KLHL42: variants seen among roughly 807,000 people sequenced by gnomAD.
KLHL42 encodes kelch-like protein 42.
In KLHL42, 27 loss-of-function variants were observed where a neutral mutation model predicts 32.7. That is an observed-to-expected ratio of 0.83 (90% CI 0.61 to 1.14). KLHL42 has a LOEUF of 1.14. KLHL42 is among the 50% of genes most tolerant of loss of function. The pLI is 0.00. For synonymous variants in KLHL42, 267 were observed against 248.2 expected (o/e 1.08, Z -0.71); for missense variants, 491 against 560.8 (o/e 0.88, Z 1.26).
At chr12:27,786,987 A>G (rs2062175113) in intron 1 of KLHL42, among the ~76,000 whole-genome samples, 1 of 151,806 alleles carries the variant, frequency 6.6e-6, no homozygotes, top group Admixed American at 6.6e-5. Context: ...GGCCTCCCAA[A>G]GTGCTGGGAT....
rs577953697 is a variant in KLHL42 at position 27,790,356 on chromosome 12, T to C, written c.873-1352T>C. On this transcript the variant is annotated intron_variant, in intron 1 of 2. Transcript: ENST00000381271. ...GTGAGGTGGTTGGACCAGGGTCAGA[T>C]AGCTGGTTATCAGCAGAGCTGGGAC... Among the ~76,000 whole-genome samples, 7 of 152,352 alleles carry C rather than the reference T, an allele frequency of 4.6e-5. No individual in the cohort carries two copies. In the South Asian group the frequency reaches 1.4e-3, roughly 32 times the overall value.
chr12:27,799,625 C>CAG lies in KLHL42; in HGVS notation c.*1461_*1462dup, dbSNP rs1238136300. ...TGCCTGGAGTATGCCGTCCACTGTG[C>CAG]AGATGTAGGACAGGGGCTAATCACT... On this transcript the variant is annotated 3_prime_UTR_variant, in exon 3 of 3. Transcript: ENST00000381271. The CAG allele has an allele frequency of 6.6e-6, 1 of 152,470 alleles. No homozygotes were observed. The highest frequency in any genetic ancestry group is 1.9e-4 in the East Asian group (1 of 5,200). The allele number at this position is 152,470 out of a possible 1,614,324, so 9.4% of individuals were successfully genotyped here.
rs942721392 is a variant in KLHL42 at position 27,801,413 on chromosome 12, G to A, written c.*3247G>A. ...GGTGAAGTTCTGACCCTACCTGTTTGGCCAAAGACGTAAATTGAGAGGAAA... is the reference window on the plus strand; with the variant it reads ...GGTGAAGTTCTGACCCTACCTGTTTAGCCAAAGACGTAAATTGAGAGGAAA... On this transcript the variant is annotated 3_prime_UTR_variant, in exon 3 of 3. Transcript: ENST00000381271. 2.6e-5 allele frequency: 4 copies of A among 152,152 alleles called. No individual in the cohort carries two copies. The highest frequency in any genetic ancestry group is 7.2e-5 in the African/African-American group (3 of 41,434). The allele number at this position is 152,152 out of a possible 1,614,324, so 9.4% of individuals were successfully genotyped here. A position where few individuals can be genotyped will look rare whatever the true frequency, so the allele number is the denominator to read the frequency against.
In KLHL42 at chr12:27,780,734, G is replaced by T; in HGVS notation, c.404G>T (p.Arg135Leu). Residue 135 changes from arginine (R) to leucine (L), a missense_variant, in exon 1 of 3, where the codon CGC becomes CTC. Around this residue, in one of 4 missense-constraint regions of KLHL42, gnomAD observed 248 missense variants for 329.2 expected, o/e 0.75. Coordinates refer to ENST00000381271, the MANE Select transcript of KLHL42 (RefSeq NM_020782.2). The surrounding 1 kb of genome is among the most constrained non-coding windows in gnomAD (Gnocchi z 8.8). The part of the protein sequence containing the change: ...VRLNNCLEMY[R>L]LAQVYGLPDL... ...CTCAATAACTGCCTGGAGATGTACC[G>T]CCTGGCGCAGGTGTACGGGCTGCCC... The T allele has an allele frequency of 6.2e-7, 1 of 1,613,264 alleles. No homozygotes were observed. The highest frequency in any genetic ancestry group is 8.5e-7 in the Non-Finnish European group (1 of 1,179,984).
intron 1 of KLHL42, among the ~76,000 whole-genome samples, chr12:27,781,596 C>G (rs893599138): frequency 1.3e-5 from 2 of 152,178 alleles, no homozygotes; most frequent in Non-Finnish European, 2.9e-5. Context: ...GGACAGTAAC[C>G]TGTAACACTG....
chr12:27,783,826 C>T (rs891540006), intron 1 of KLHL42, among the ~76,000 whole-genome samples: 3 of 152,104 alleles, frequency 2.0e-5, no homozygotes, highest in African/African-American at 2.4e-5. Flanking sequence ...CCTCGTGATC[C>T]GCCCGCCTCA....
chr12:27,790,666 GTTA>G (rs1456338657), intron 1 of KLHL42, among the ~76,000 whole-genome samples: 5 of 152,172 alleles, frequency 3.3e-5, no homozygotes, highest in East Asian at 1.9e-4. Context: ...TCTTTTTCAA[GTTA>G]TTATTTTTAT....
intron 1 of KLHL42, among the ~76,000 whole-genome samples, chr12:27,787,039 A>C (rs2062175437): frequency 6.6e-6 from 1 of 151,940 alleles, no homozygotes; most frequent in African/African-American, 2.4e-5. Context: ...GAGAGATTTT[A>C]TAAAGCCTTC....
Position 27,792,509 on chromosome 12 carries a change from CTATTTATTTGTT to C in KLHL42, c.1066+618_1066+629del, listed in dbSNP as rs1252068226. On this transcript the variant is annotated intron_variant, in intron 2 of 2. Coordinates refer to ENST00000381271, the MANE Select transcript of KLHL42 (RefSeq NM_020782.2). Reference sequence around the variant, plus strand: ...CAGCAGTGGGAGGTGGTTGTACTATCTATTTATTTGTTTATTTATTTATTTATTTTTTGAGAT... The same window carrying C: ...CAGCAGTGGGAGGTGGTTGTACTATCTATTTATTTATTTATTTTTTGAGAT... Among the ~76,000 whole-genome samples, 3 of 152,092 alleles carry C rather than the reference CTATTTATTTGTT, an allele frequency of 2.0e-5. No individual in the cohort carries two copies. The East Asian group carries it at 5.8e-4, about 29-fold the overall frequency.
chr12:27,799,131 A>G lies in KLHL42; in HGVS notation c.*965A>G, dbSNP rs1027347102. On this transcript the variant is annotated 3_prime_UTR_variant, in exon 3 of 3. Transcript: ENST00000381271. ...GTCGGCAGCTTTCTAATTTAATCTT[A>G]GCTTTGTAATTCATGTTTTGCTTTT... is the stretch of plus-strand genomic sequence containing the variant. The G allele has an allele frequency of 6.6e-6, 1 of 152,574 alleles. No individual in the cohort carries two copies. The highest frequency in any genetic ancestry group is 1.5e-5 in the Non-Finnish European group (1 of 68,034). 9.5% of individuals were successfully genotyped at this position (152,574 alleles called of 1,614,324 possible).
At chr12:27,789,540 G>C (rs2062187390) in intron 1 of KLHL42, among the ~76,000 whole-genome samples, 1 of 152,176 alleles carries the variant, frequency 6.6e-6, no homozygotes, top group South Asian at 2.1e-4. Flanking sequence ...TTACATGTTT[G>C]CTTAGGACAA....
chr12:27,781,809 A>G (rs1001776438), intron 1 of KLHL42, among the ~76,000 whole-genome samples: 1 of 152,190 alleles, frequency 6.6e-6, no homozygotes, highest in Non-Finnish European at 1.5e-5. Context: ...GGAAGTGTTC[A>G]ACTACAGAAT....
At chr12:27,796,363 A>G (rs2062218605) in intron 2 of KLHL42, among the ~76,000 whole-genome samples, 1 of 152,216 alleles carries the variant, frequency 6.6e-6, no homozygotes, top group Admixed American at 6.5e-5. Context: ...GCAGCCGTCA[A>G]AATGCTGTAG....
At position 27,798,800 on chromosome 12, in the gene KLHL42, C is replaced by T. The variant is rs1419510414; in HGVS notation, c.*634C>T. On this transcript the variant is annotated 3_prime_UTR_variant, in exon 3 of 3. Coordinates refer to ENST00000381271, the MANE Select transcript of KLHL42 (RefSeq NM_020782.2). The stretch of plus-strand genomic sequence containing the variant: ...ATAAAAATATTCTTAGCTATTTTTC[C>T]AGCCTTTTTTGCAGTTACAAATGCT... 3.3e-5 allele frequency: 5 copies of T among 152,294 alleles called. No individual in the cohort carries two copies. The highest frequency in any genetic ancestry group is 1.2e-4 in the African/African-American group (5 of 41,330). The allele number at this position is 152,294 out of a possible 1,614,324, so 9.4% of individuals were successfully genotyped here. A position where few individuals can be genotyped will look rare whatever the true frequency, so the allele number is the denominator to read the frequency against.
intron 1 of KLHL42, among the ~76,000 whole-genome samples, chr12:27,783,269 G>T (rs1269339180): frequency 1.3e-5 from 2 of 152,244 alleles, no homozygotes; most frequent in Non-Finnish European, 2.9e-5. Flanking sequence ...AGGAGGAAAA[G>T]GAGGTAGAGG....
In KLHL42 at chr12:27,800,517, C is replaced by T. The variant is rs1281777552; in HGVS notation, c.*2351C>T. On this transcript the variant is annotated 3_prime_UTR_variant, in exon 3 of 3. Coordinates refer to ENST00000381271, the MANE Select transcript of KLHL42 (RefSeq NM_020782.2). ...GTGACATCGTCCTTCCTGCTGTGCA[C>T]ATCAGCTGTGATGACATTTTGAGGG... 3.3e-6 allele frequency: 1 copy of T among 307,024 alleles called. No individual in the cohort carries two copies. The highest frequency in any genetic ancestry group is 2.3e-5 in the African/African-American group (1 of 44,198). The allele number at this position is 307,024 out of a possible 1,614,324, so 19.0% of individuals were successfully genotyped here.
At position 27,798,335 on chromosome 12, in the gene KLHL42, G is replaced by A. The variant is rs1483840109; in HGVS notation, c.*169G>A. The stretch of plus-strand genomic sequence containing the variant: ...ACTTGAACTAATTACTTGAAAACTG[G>A]TGGAAAAAAGAGACCAACTTTGTTA... On this transcript the variant is annotated 3_prime_UTR_variant, in exon 3 of 3. Transcript: ENST00000381271. The A allele has an allele frequency of 1.8e-6, 1 of 546,536 alleles. No individual in the cohort carries two copies. The highest frequency in any genetic ancestry group is 1.9e-5 in the African/African-American group (1 of 52,264). The allele number at this position is 546,536 out of a possible 1,614,324, so 33.9% of individuals were successfully genotyped here. A position where few individuals can be genotyped will look rare whatever the true frequency, so the allele number is the denominator to read the frequency against.
At position 27,786,753 on chromosome 12, in the gene KLHL42, C is replaced by T. The variant is rs563178165; in HGVS notation, c.873-4955C>T. ...TTTTTTTTTTTTTGAGACAGAGTCT[C>T]GCTCTGTCGCCCAGGCTGGAGTGCA... On this transcript the variant is annotated intron_variant, in intron 1 of 2. Transcript: ENST00000381271. Among the ~76,000 whole-genome samples, 201 of 129,254 alleles carry T rather than the reference C, an allele frequency of 1.6e-3. 1 individual carries two copies. Among genetic ancestry groups the T allele is most frequent in the African/African-American group, 5.1e-3 (161 of 31,714 alleles). The allele number at this position is 129,254 out of a possible 152,430, so 84.8% of individuals were successfully genotyped here.
At position 27,797,991 on chromosome 12, in the gene KLHL42, A is replaced by T. The variant is rs1486153016; in HGVS notation, c.1343A>T (p.Asn448Ile). The change falls in exon 3 of 3, where the codon AAC becomes ATC. Residue 448 changes from asparagine to isoleucine, a missense_variant. Transcript: ENST00000381271. The part of the protein sequence containing the change: ...SGLNLTCALH[N>I]DGIYIMSRDV... The stretch of plus-strand genomic sequence containing the variant: ...CTTAACTTGACTTGTGCGCTCCATA[A>T]CGACGGCATCTACATCATGAGCAGA... The T allele has an allele frequency of 1.3e-6, 1 of 780,882 alleles. No homozygotes were observed. The highest frequency in any genetic ancestry group is 2.4e-6 in the Non-Finnish European group (1 of 418,110). The allele number at this position is 780,882 out of a possible 1,614,324, so 48.4% of individuals were successfully genotyped here.
Sources: allele counts gnomAD v4.1 joint callset (sites outside exome capture counted in the v4.1 genomes callset), GRCh38; gene constraint gnomAD v4.1.1; regional missense constraint gnomAD v4.1.1; non-coding constraint Gnocchi (gnomAD v3.1); transcripts MANE v1.5; gene names NCBI Gene and HGNC (gene_info 2026-07-23, HGNC 2026-07-21).